Variants in TSPAN18 observed in about 807,000 individuals in gnomAD.
TSPAN18 encodes tetraspanin 18.
In TSPAN18, 14 loss-of-function variants were observed where a neutral mutation model predicts 27.3. That is an observed-to-expected ratio of 0.51 (90% CI 0.34 to 0.80). The LOEUF is 0.80. TSPAN18 is among the 30% of genes least tolerant of loss of function. The probability of loss-of-function intolerance (pLI) is 0.01; values close to 1 mark genes in which losing one functional copy is unlikely to be tolerated. For missense variants in TSPAN18, 268 were observed against 323.9 expected (o/e 0.83, Z 1.32); for synonymous variants, 143 against 136.5 (o/e 1.05, Z -0.33).
chr11:44,809,402 G>A (rs1856667856), intron 2 of TSPAN18, among the ~76,000 whole-genome samples: 1 of 151,960 alleles, frequency 6.6e-6, no homozygotes, highest in Non-Finnish European at 1.5e-5. Flanking sequence ...TATGCAATCA[G>A]GTTCTTGTCA....
chr11:44,773,552 T>C (rs1321258239), intron 2 of TSPAN18, among the ~76,000 whole-genome samples: 2 of 152,222 alleles, frequency 1.3e-5, no homozygotes, highest in African/African-American at 4.8e-5. Flanking sequence ...TGTCAGCTTT[T>C]TGTGGGTTTT....
intron 5 of TSPAN18, among the ~76,000 whole-genome samples, chr11:44,913,614 T>C: frequency 6.6e-6 from 1 of 152,232 alleles, no homozygotes; most frequent in East Asian, 1.9e-4. Context: ...ATGAGCTGAA[T>C]TGTACATGCA....
intron 6 of TSPAN18, among the ~76,000 whole-genome samples, chr11:44,918,747 G>C (rs947436709): frequency 6.6e-6 from 1 of 152,098 alleles, no homozygotes; most frequent in Non-Finnish European, 1.5e-5. Context: ...GCAGCAGGAG[G>C]GAAGGAGAAT....
At chr11:44,850,588 C>G (rs1398388116) in intron 2 of TSPAN18, among the ~76,000 whole-genome samples, 1 of 152,296 alleles carries the variant, frequency 6.6e-6, no homozygotes, top group East Asian at 1.9e-4. Context: ...CTGAGCCTTA[C>G]TCTGCCCCAG....
chr11:44,731,470 G>A (rs762632680), intron 1 of TSPAN18, among the ~76,000 whole-genome samples: 24 of 152,132 alleles, frequency 1.6e-4, no homozygotes, highest in Non-Finnish European at 2.9e-4. Flanking sequence ...TTAGCATAAT[G>A]CCTGGCATAT....
In TSPAN18 at chr11:44,906,425, C is replaced by T. The variant is rs768509865; in HGVS notation, c.9C>T (p.Gly3=). ...TTTCTAGGTGGAGCACCATGGAAGG[C>T]GACTGTCTGAGCTGCATGAAGTATC... ME[G]DCLSCMKYLM... Residue 3 remains glycine, a synonymous_variant, in exon 4 of 10, where the codon GGC becomes GGT. Coordinates refer to ENST00000520358, the MANE Select transcript of TSPAN18 (RefSeq NM_130783.5). 2.8e-5 allele frequency: 45 copies of T among 1,614,004 alleles called. 1 individual carries two copies. The highest frequency in any genetic ancestry group is 1.6e-4 in the Middle Eastern group (1 of 6,084).
In TSPAN18 at chr11:44,773,913, A is replaced by C. The variant is rs1855746207; in HGVS notation, c.-153+9401A>C. On this transcript the variant is annotated intron_variant, in intron 2 of 9. Transcript: ENST00000520358. Reference sequence around the variant, plus strand: ...TGCTTGGGGTTATGGAGAGCTGGGCACTAAAAGCTTCATCTCAGAGGCAGT... The same window carrying C: ...TGCTTGGGGTTATGGAGAGCTGGGCCCTAAAAGCTTCATCTCAGAGGCAGT... 2.0e-5 allele frequency among the ~76,000 whole-genome samples: 3 copies of C among 152,176 alleles called. No homozygotes were observed. The South Asian group carries it at 6.2e-4, about 32-fold the overall frequency.
At chr11:44,793,602 C>A (rs1856280109) in intron 2 of TSPAN18, among the ~76,000 whole-genome samples, 1 of 152,186 alleles carries the variant, frequency 6.6e-6, no homozygotes, top group Non-Finnish European at 1.5e-5. Flanking sequence ...ATAGAGCCAA[C>A]CTTGTGGGGA....
chr11:44,866,439 C>A (rs1673308415), intron 3 of TSPAN18, among the ~76,000 whole-genome samples: 1 of 152,258 alleles, frequency 6.6e-6, no homozygotes, highest in Non-Finnish European at 1.5e-5. Context: ...ACACAGGGGC[C>A]CCGCAGACAG....
intron 1 of TSPAN18, among the ~76,000 whole-genome samples, chr11:44,741,049 G>A (rs900582916): frequency 4.6e-5 from 7 of 152,158 alleles, no homozygotes; most frequent in Admixed American, 4.6e-4. Flanking sequence ...TTTAACTCCA[G>A]AGCCTCTGGG....
At chr11:44,902,538 A>C (rs528713549) in intron 3 of TSPAN18, among the ~76,000 whole-genome samples, 1 of 152,340 alleles carries the variant, frequency 6.6e-6, no homozygotes, top group Non-Finnish European at 1.5e-5. Flanking sequence ...GATGGTTGAG[A>C]TGCTTAACAG....
intron 2 of TSPAN18, among the ~76,000 whole-genome samples, chr11:44,838,438 A>AT (rs1857305861): frequency 6.6e-6 from 1 of 152,252 alleles, no homozygotes; most frequent in South Asian, 2.1e-4. Context: ...GGGAGCTAAA[A>AT]TTCAAGATGA....
chr11:44,779,149 G>T (rs1366915200), intron 2 of TSPAN18, among the ~76,000 whole-genome samples: 4 of 152,038 alleles, frequency 2.6e-5, no homozygotes, highest in African/African-American at 9.7e-5. Flanking sequence ...CAAGGGAGAG[G>T]CCTCCATTGT....
At chr11:44,735,959 C>T (rs189378963) in intron 1 of TSPAN18, among the ~76,000 whole-genome samples, 1 of 152,276 alleles carries the variant, frequency 6.6e-6, no homozygotes, top group East Asian at 1.9e-4. Flanking sequence ...AAGTTCCTGA[C>T]AGCTAGGGGT....
intron 3 of TSPAN18, among the ~76,000 whole-genome samples, chr11:44,889,546 C>T (rs773726617): frequency 6.6e-6 from 1 of 152,228 alleles, no homozygotes; most frequent in Non-Finnish European, 1.5e-5. Flanking sequence ...CATCAACCAT[C>T]CAGTTTGGGC....
At chr11:44,796,699 A>G (rs1461468073) in intron 2 of TSPAN18, among the ~76,000 whole-genome samples, 1 of 152,154 alleles carries the variant, frequency 6.6e-6, no homozygotes, top group Non-Finnish European at 1.5e-5. Context: ...TCACACAGCA[A>G]CAACCAAAAT....
intron 4 of TSPAN18, among the ~76,000 whole-genome samples, chr11:44,906,742 C>T (rs1225458221): frequency 6.6e-6 from 1 of 152,176 alleles, no homozygotes; most frequent in Non-Finnish European, 1.5e-5. Context: ...GGACCTAGGT[C>T]CGGCCACTGT....
intron 2 of TSPAN18, among the ~76,000 whole-genome samples, chr11:44,852,816 A>G (rs1857638158): frequency 6.6e-6 from 1 of 152,204 alleles, no homozygotes; most frequent in African/African-American, 2.4e-5. Context: ...GGGGAAGGGG[A>G]AAGGAACCAA....
Position 44,866,660 on chromosome 11 carries a change from G to A in TSPAN18, c.-11+6191G>A, listed in dbSNP as rs577465033. On this transcript the variant is annotated intron_variant, in intron 3 of 9. Transcript: ENST00000520358. ...TTCCGGGAACAGGGCACCTGAGCTT[G>A]TAACTTTTGGATCCTACCAATCTGG... Among the ~76,000 whole-genome samples the A allele has an allele frequency of 7.2e-5, 11 of 152,310 alleles. 1 individual carries two copies. The South Asian group carries it at 2.1e-3, about 29-fold the overall frequency.
Sources: allele counts gnomAD v4.1 joint callset (sites outside exome capture counted in the v4.1 genomes callset), GRCh38; gene constraint gnomAD v4.1.1; transcripts MANE v1.5; gene names NCBI Gene and HGNC (gene_info 2026-07-23, HGNC 2026-07-21).